Variants in RCC1L observed in about 807,000 individuals in gnomAD.
The protein encoded by RCC1L is RCC1 like.
Under a neutral mutation model 58.6 loss-of-function variants are expected in RCC1L, and 46 were observed. The ratio of observed to expected loss-of-function variants is 0.79; its 90% CI spans 0.62 to 1.00. The LOEUF (loss-of-function observed/expected upper bound fraction) is 1.00, where lower values mean the gene tolerates loss of function less well. RCC1L is among the 50% of genes least tolerant of loss of function. The pLI is 0.00. For synonymous variants in RCC1L, 281 were observed against 262.9 expected, an observed-to-expected ratio of 1.07 and a Z score of -0.67; for missense variants, 636 against 623.6, an observed-to-expected ratio of 1.02 and a Z score of -0.21.
chr7:75,073,348 C>T, intron 1 of RCC1L, 66 bp downstream of exon 1: 1 of 716,540 alleles, frequency 1.4e-6, no homozygotes, highest in Non-Finnish European at 2.0e-6. Flanking sequence ...GAGAGCCGAA[C>T]AGGTCGAGGG....
rs372665821 is a variant in RCC1L, at chr7:75,070,707, C to T, written c.387G>A (p.Thr129=). Residue 129 remains threonine (T), a synonymous_variant, in exon 2 of 11, where the codon ACG becomes ACA. Transcript: ENST00000610322. ...TGTTGAGTCCCATCCCCCAGACTTT[C>T]GTAACATCCGCAGTCTTAGAGGACA... The part of the protein sequence containing the change: ...TLLSSKTADV[T]KVWGMGLNKD... 1.4e-5 allele frequency: 22 copies of T among 1,614,128 alleles called. No homozygotes were observed. The highest frequency in any genetic ancestry group is 1.6e-4 in the Middle Eastern group (1 of 6,062).
At chr7:75,064,856 C>T in intron 3 of RCC1L, 2 of 615,450 alleles carry the variant, frequency 3.2e-6, no homozygotes, top group Non-Finnish European at 6.0e-6. Context: ...CCCTCCTGGC[C>T]CTAGATCCAC....
chr7:75,043,871 GC>G (rs1451610453), intron 10 of RCC1L, among the ~76,000 whole-genome samples: 1 of 152,062 alleles, frequency 6.6e-6, no homozygotes, highest in African/African-American at 2.4e-5. Context: ...TGGGAATCAG[GC>G]CCCACTGGCC....
intron 3 of RCC1L, among the ~76,000 whole-genome samples, 171 bp downstream of exon 3, chr7:75,066,493 C>T (rs1806490911): frequency 6.6e-6 from 1 of 152,076 alleles, no homozygotes; most frequent in South Asian, 2.1e-4. Context: ...AAAGAATCAA[C>T]AAGGTTTGTC....
At chr7:75,052,182 C>G (rs1330556828) in intron 10 of RCC1L, among the ~76,000 whole-genome samples, 1 of 152,186 alleles carries the variant, frequency 6.6e-6, no homozygotes, top group Non-Finnish European at 1.5e-5. Context: ...GTTGGGCCAT[C>G]TAAATATTAA....
In RCC1L at chr7:75,031,323, C is replaced by T. The variant is rs1805298382; in HGVS notation, c.1318-3244G>A. On this transcript the variant is annotated intron_variant, in intron 10 of 10. Transcript: ENST00000614461. ...ACCAGCAGCAGCAGCGGCGTTCCAT[C>T]GCTCCCAAGATCTGGGTGAAGGGGA... Among the ~76,000 whole-genome samples, 10 of 152,110 alleles carry T rather than the reference C, an allele frequency of 6.6e-5. No individual in the cohort carries two copies. In the South Asian group the frequency reaches 1.5e-3, roughly 22 times the overall value.
exon 11 of RCC1L, chr7:75,027,901 C>A: frequency 9.8e-7 from 1 of 1,016,618 alleles, no homozygotes; most frequent in Non-Finnish European, 1.5e-6. Context: ...CCAGCTATCT[C>A]CTGGTCTGCT....
intron 10 of RCC1L, among the ~76,000 whole-genome samples, chr7:75,045,038 C>G (rs1188818333): frequency 6.6e-6 from 1 of 152,164 alleles, no homozygotes; most frequent in African/African-American, 2.4e-5. Flanking sequence ...AAAAAAGAGG[C>G]AGAGTCTCAC....
chr7:75,036,352 C>T (rs1290562984), intron 10 of RCC1L, among the ~76,000 whole-genome samples: 3 of 148,640 alleles, frequency 2.0e-5, no homozygotes, highest in Non-Finnish European at 4.5e-5. Flanking sequence ...GAACTCCCGA[C>T]CTCAGGTGAC....
At chr7:75,032,933 G>A (rs1198510949) in intron 10 of RCC1L, among the ~76,000 whole-genome samples, 9 of 151,928 alleles carry the variant, frequency 5.9e-5, no homozygotes, top group African/African-American at 1.2e-4. Flanking sequence ...TTAGTTGGGC[G>A]TGGTGGCGGG....
At chr7:75,031,032 T>C (rs1275155454) in intron 10 of RCC1L, among the ~76,000 whole-genome samples, 1 of 152,232 alleles carries the variant, frequency 6.6e-6, no homozygotes, top group Non-Finnish European at 1.5e-5. Flanking sequence ...GCGGTTTCCC[T>C]TCCACTGCCT....
intron 10 of RCC1L, among the ~76,000 whole-genome samples, chr7:75,044,040 G>A (rs1584489176): frequency 6.6e-6 from 1 of 152,174 alleles, no homozygotes; most frequent in African/African-American, 2.4e-5. Flanking sequence ...CATGGCATCA[G>A]AGGACAGCCC....
chr7:75,036,466 G>A (rs1284093010), intron 10 of RCC1L, among the ~76,000 whole-genome samples: 1 of 152,078 alleles, frequency 6.6e-6, no homozygotes, highest in Non-Finnish European at 1.5e-5. Context: ...GCTCTGCAGG[G>A]CAGGTGGCAG....
intron 6 of RCC1L, among the ~76,000 whole-genome samples, chr7:75,060,977 G>A (rs1257510638): frequency 6.6e-6 from 1 of 152,118 alleles, no homozygotes; most frequent in Non-Finnish European, 1.5e-5. Flanking sequence ...TGGAGACTGT[G>A]GTGGGAGGAT....
chr7:75,055,829 A>C lies in RCC1L; in HGVS notation c.1231+72T>G, dbSNP rs923159541. 133 of 1,577,346 alleles carry C rather than the reference A, an allele frequency of 8.4e-5. No homozygotes were observed. In the African/African-American group the frequency reaches 1.7e-3, roughly 20 times the overall value. ...TGGGTGGAACCTGAGAGCTGCCCGC[A>C]GTTTGGGGTTGAACTGGAGACAGAG... On this transcript the variant is annotated intron_variant, in intron 9 of 10. Coordinates refer to ENST00000610322, the MANE Select transcript of RCC1L (RefSeq NM_030798.5).
At chr7:75,049,660 C>G (rs1238903863) in intron 10 of RCC1L, among the ~76,000 whole-genome samples, 9 of 147,426 alleles carry the variant, frequency 6.1e-5, no homozygotes, top group Admixed American at 6.0e-4. Flanking sequence ...AAAGCAAGAC[C>G]CTGTTTTCAA....
downstream of RCC1L, among the ~76,000 whole-genome samples, chr7:75,039,761 T>C (rs904388070): frequency 1.8e-4 from 28 of 152,198 alleles, no homozygotes; most frequent in African/African-American, 6.3e-4. Context: ...TGGGGACACA[T>C]GGGGTTGGTA....
chr7:75,057,749 T>C, intron 7 of RCC1L, 133 bp from the exon 8 acceptor site: 1 of 820,378 alleles, frequency 1.2e-6, no homozygotes, highest in South Asian at 1.4e-5. Flanking sequence ...GAACATCACA[T>C]GCCAAGCATC....
chr7:75,043,356 C>T (rs1366220307), intron 10 of RCC1L, among the ~76,000 whole-genome samples: 1 of 152,242 alleles, frequency 6.6e-6, no homozygotes, highest in Non-Finnish European at 1.5e-5. Context: ...GTCATGAGGA[C>T]AAGGCCATCC....
Sources: allele counts gnomAD v4.1 joint callset (sites outside exome capture counted in the v4.1 genomes callset), GRCh38; gene constraint gnomAD v4.1.1; transcripts MANE v1.5; gene names NCBI Gene and HGNC (gene_info 2026-07-23, HGNC 2026-07-21).